WASF1: variants seen among roughly 807,000 people sequenced by gnomAD.
WASF1 encodes actin-binding protein WASF1.
A neutral mutation model predicts 50.5 loss-of-function variants in WASF1; 7 were observed. The ratio of observed to expected loss-of-function variants is 0.14; its 90% CI spans 0.08 to 0.26. The LOEUF is 0.26. Ranked by LOEUF, WASF1 falls within the 10% of genes least tolerant of loss-of-function variation. The pLI is 1.00. For synonymous variants in WASF1, 205 were observed against 244.0 expected (o/e 0.84, Z 1.49); for missense variants, 470 against 694.7 (o/e 0.68, Z 3.64).
chr6:110,160,160 A>T (rs755511225), intron 3 of WASF1, among the ~76,000 whole-genome samples: 2 of 151,942 alleles, frequency 1.3e-5, no homozygotes, highest in Non-Finnish European at 2.9e-5. Context: ...AAAAAACAGT[A>T]TAGTAAGAAA....
chr6:110,132,580 T>G (rs533782856), intron 3 of WASF1, among the ~76,000 whole-genome samples: 1 of 152,110 alleles, frequency 6.6e-6, no homozygotes, highest in South Asian at 2.1e-4. Flanking sequence ...ACGTGGTATT[T>G]GGGTGCATGT....
chr6:110,145,596 T>C (rs948532404), intron 3 of WASF1, among the ~76,000 whole-genome samples: 4 of 152,270 alleles, frequency 2.6e-5, no homozygotes, highest in African/African-American at 9.6e-5. Flanking sequence ...GGCTGTGGGT[T>C]TGTCATAGGT....
chr6:110,120,767 C>T (rs536688733), intron 4 of WASF1, among the ~76,000 whole-genome samples: 44 of 152,266 alleles, frequency 2.9e-4, no homozygotes, highest in African/African-American at 7.2e-4. Context: ...GGAGGCATCA[C>T]GCTACATGAC....
chr6:110,120,878 C>T (rs1308590069), intron 4 of WASF1, among the ~76,000 whole-genome samples: 5 of 151,916 alleles, frequency 3.3e-5, no homozygotes, highest in Non-Finnish European at 2.9e-5. Context: ...TCAGAAATAA[C>T]ACCACACATC....
chr6:110,143,700 A>G (rs1000813321), intron 3 of WASF1, among the ~76,000 whole-genome samples: 3 of 152,246 alleles, frequency 2.0e-5, no homozygotes, highest in Non-Finnish European at 2.9e-5. Context: ...TACAAAGAAC[A>G]TAAGAATTAA....
chr6:110,158,414 A>AT (rs1199320976), intron 3 of WASF1, among the ~76,000 whole-genome samples: 21 of 133,528 alleles, frequency 1.6e-4, no homozygotes, highest in African/African-American at 6.4e-4. Context: ...CCCCTTTATC[A>AT]TTTTTTATTG....
intron 2 of WASF1, among the ~76,000 whole-genome samples, chr6:110,173,150 T>C (rs553488685): frequency 8.5e-5 from 13 of 152,110 alleles, no homozygotes; most frequent in Non-Finnish European, 1.3e-4. Flanking sequence ...ACACTTGACT[T>C]TTTTGGTAAA....
chr6:110,170,982 G>A (rs1776689766), intron 2 of WASF1, among the ~76,000 whole-genome samples: 1 of 152,302 alleles, frequency 6.6e-6, no homozygotes, highest in African/African-American at 2.4e-5. Context: ...ATGAACTCAT[G>A]ATCACAGCTA....
chr6:110,155,138 T>C (rs1052814471), intron 3 of WASF1, among the ~76,000 whole-genome samples: 1 of 152,036 alleles, frequency 6.6e-6, no homozygotes, highest in South Asian at 2.1e-4. Context: ...GCTTTGTCTA[T>C]AGAGTAAATC....
At chr6:110,104,292 G>A (rs1227404012) in intron 8 of WASF1, among the ~76,000 whole-genome samples, 1 of 152,082 alleles carries the variant, frequency 6.6e-6, no homozygotes, top group Non-Finnish European at 1.5e-5. Flanking sequence ...AGTCAGATAA[G>A]TACCTTAATT....
chr6:110,125,540 T>C (rs1241726696), intron 4 of WASF1, among the ~76,000 whole-genome samples: 1 of 152,164 alleles, frequency 6.6e-6, no homozygotes, highest in Non-Finnish European at 1.5e-5. Flanking sequence ...GATCAATTGG[T>C]TATTTTATGT....
intron 4 of WASF1, among the ~76,000 whole-genome samples, chr6:110,122,062 A>G (rs1774159939): frequency 6.6e-6 from 1 of 152,116 alleles, no homozygotes; most frequent in South Asian, 2.1e-4. Context: ...GAGGGATAGC[A>G]TTAGGAAAAA....
chr6:110,169,302 A>G (rs1776596316), intron 2 of WASF1, among the ~76,000 whole-genome samples: 1 of 152,088 alleles, frequency 6.6e-6, no homozygotes, highest in African/African-American at 2.4e-5. Flanking sequence ...CAAATTCAAA[A>G]TATCCAAAAT....
At chr6:110,103,705 T>C in intron 8 of WASF1, 148 bp from the exon 9 acceptor site, 1 of 737,238 alleles carries the variant, frequency 1.4e-6, no homozygotes, top group Non-Finnish European at 2.1e-6. Flanking sequence ...ATTATATTAA[T>C]CCTGCTTTTA....
rs1358973522 is a variant in WASF1 at position 110,124,220 on chromosome 6, CTCTCTCCTCTCTCT to C, written c.133+3235_133+3248del. Among the ~76,000 whole-genome samples, 19 of 72,608 alleles carry C rather than the reference CTCTCTCCTCTCTCT, an allele frequency of 2.6e-4. 1 individual carries two copies. The highest frequency in any genetic ancestry group is 1.7e-3 in the African/African-American group (19 of 11,202). The allele number at this position is 72,608 out of a possible 152,430, so 47.6% of individuals were successfully genotyped here. A position where few individuals can be genotyped will look rare whatever the true frequency, so the allele number is the denominator to read the frequency against. On this transcript the variant is annotated intron_variant, in intron 4 of 10. Coordinates refer to ENST00000392589, the MANE Select transcript of WASF1 (RefSeq NM_003931.3). Reference sequence around the variant, plus strand: ...CTCTCTCTCTCTCTCTCTCTCTCCTCTCTCTCCTCTCTCTCCTCTCTCTCTCTCTCTCTCTCTCT... The same window carrying C: ...CTCTCTCTCTCTCTCTCTCTCTCCTCCCTCTCTCTCTCTCTCTCTCTCTCT...
At chr6:110,111,089 A>G (rs192625541) in intron 5 of WASF1, among the ~76,000 whole-genome samples, 1 of 152,268 alleles carries the variant, frequency 6.6e-6, no homozygotes, top group East Asian at 1.9e-4. Context: ...GGTGGCTCTA[A>G]GACATTTGTT....
intron 5 of WASF1, among the ~76,000 whole-genome samples, chr6:110,109,718 AT>A (rs760717199): frequency 3.1e-3 from 450 of 144,210 alleles, no homozygotes; most frequent in Non-Finnish European, 3.9e-3. Flanking sequence ...TGGCCGACTA[AT>A]TTTTTTTTTT....
At chr6:110,163,514 T>G (rs1157803498) in intron 2 of WASF1, among the ~76,000 whole-genome samples, 1 of 151,510 alleles carries the variant, frequency 6.6e-6, no homozygotes, top group Non-Finnish European at 1.5e-5. Flanking sequence ...ACTCTCATGA[T>G]CTAATCATCT....
Position 110,102,218 on chromosome 6 carries a change from T to C in WASF1, c.894-2A>G. 7.2e-7 allele frequency: 1 copy of C among 1,390,784 alleles called. No individual in the cohort carries two copies. Among genetic ancestry groups the C allele is most frequent in the Admixed American group, 2.8e-5 (1 of 36,116 alleles). The allele number at this position is 1,390,784 out of a possible 1,614,324, so 86.2% of individuals were successfully genotyped here. ...TTTTCTATCAAACCTGTAGCAGAAC[T>C]GAAATGACAAAGAGATTCTAGCAAG... On this transcript the variant is annotated splice_acceptor_variant, in intron 9 of 10. Transcript: ENST00000392589. LOFTEE classifies it high-confidence loss of function.
Sources: allele counts gnomAD v4.1 joint callset (sites outside exome capture counted in the v4.1 genomes callset), GRCh38; gene constraint gnomAD v4.1.1; transcripts MANE v1.5; gene names NCBI Gene and HGNC (gene_info 2026-07-23, HGNC 2026-07-21).